CEP72: variants seen among roughly 807,000 people sequenced by gnomAD.
CEP72 encodes centrosomal protein of 72 kDa.
CEP72 carries 78 observed loss-of-function variants against 65.7 expected under a neutral mutation model. The observed-to-expected ratio is 1.19, with a 90% CI of 0.99 to 1.43. CEP72 has a LOEUF of 1.43. Among genes scored for constraint, CEP72 ranks in the 40% most tolerant of loss-of-function variants. The pLI, the probability that CEP72 is intolerant of heterozygous loss-of-function variation, is 0.00. For synonymous variants in CEP72, 358 were observed against 351.7 expected (o/e 1.02, Z -0.20); for missense variants, 914 against 832.9 (o/e 1.10, Z -1.20).
At chr5:675,524 AGTGTGGCCGGGGATGCC>A in the CEP72 span, among the ~76,000 whole-genome samples, 14 of 65,344 alleles carry the variant, frequency 2.1e-4, no homozygotes, top group African/African-American at 3.8e-4. Flanking sequence ...CCAGGGGTGC[AGTGTGGCCGGGGATGCC>A]GTGTGGCCGG....
intron 9 of CEP72, chr5:641,005 G>A (rs2126795366): frequency 1.0e-6 from 1 of 985,446 alleles, no homozygotes; most frequent in Admixed American, 6.1e-5. Context: ...GGTGAGCTGG[G>A]GCTACAGGGC....
At chr5:668,809 C>T (rs1253755589), downstream of CEP72, among the ~76,000 whole-genome samples, 1 of 152,242 alleles carries the variant, frequency 6.6e-6, no homozygotes, top group Non-Finnish European at 1.5e-5. Flanking sequence ...GACCACAGTG[C>T]TGTGATGTGT....
Position 619,092 on chromosome 5 carries a change from C to A in CEP72, c.185C>A (p.Ser62Ter), listed in dbSNP as rs370257753. 2 of 1,613,700 alleles carry A rather than the reference C, an allele frequency of 1.2e-6. No individual in the cohort carries two copies. Among genetic ancestry groups the A allele is most frequent in the South Asian group, 2.2e-5 (2 of 91,058 alleles). The change falls in exon 2 of 12, where the codon TCG (serine) becomes TAG (stop). Residue 62 changes from serine to a stop codon, truncating the protein, a stop_gained. Coordinates refer to ENST00000264935, the MANE Select transcript of CEP72 (RefSeq NM_018140.4). LOFTEE classifies it high-confidence loss of function. ...ACAGGTCTGAAATCTTTGGATCTCT[C>A]GCGCAACTCCTTGGTTAGTCTGGAG... ...SLTGLKSLDL[S>*]RNSLVSLEGI...
At chr5:652,836 C>T in intron 11 of CEP72, 152 bp from the exon 12 acceptor site, 1 of 842,914 alleles carries the variant, frequency 1.2e-6, no homozygotes, top group Non-Finnish European at 1.8e-6. Context: ...GCCAGTGGGA[C>T]ACAGAAGGTG....
In CEP72 at chr5:612,422, T is replaced by A; in HGVS notation, c.61T>A (p.Leu21Ile). 6.8e-7 allele frequency: 1 copy of A among 1,472,338 alleles called. No individual in the cohort carries two copies. Among genetic ancestry groups the A allele is most frequent in the Non-Finnish European group, 9.0e-7 (1 of 1,115,382 alleles). The allele number at this position is 1,472,338 out of a possible 1,614,324, so 91.2% of individuals were successfully genotyped here. Reference sequence around the variant, plus strand: ...GGAGGCGGTTCGGGCGAAGAGCGGCTTAGGGCCTCACCGCGACCTGGGTGC... The same window carrying A: ...GGAGGCGGTTCGGGCGAAGAGCGGCATAGGGCCTCACCGCGACCTGGGTGC... ...SEEAVRAKSG[L>I]GPHRDLAELQ... The change falls in exon 1 of 12, where the codon TTA (leucine) becomes ATA (isoleucine). Residue 21 changes from leucine to isoleucine, a missense_variant. Leu to Ile is a conservative substitution (Grantham distance 5). Transcript: ENST00000264935.
intron 3 of CEP72, among the ~76,000 whole-genome samples, chr5:621,803 TC>T (rs1381115080): frequency 6.6e-6 from 1 of 152,252 alleles, no homozygotes; most frequent in Non-Finnish European, 1.5e-5. Context: ...AGACATAGTC[TC>T]GCTTCATCGC....
chr5:665,306 G>A (rs535687967), exon 3 of CEP72: 2 of 1,609,206 alleles, frequency 1.2e-6, no homozygotes, highest in East Asian at 2.2e-5. Context: ...TCTGCAAGAG[G>A]AGCAGGAGGA....
chr5:671,914 G>T (rs1186857623), downstream of CEP72, among the ~76,000 whole-genome samples: 1 of 152,222 alleles, frequency 6.6e-6, no homozygotes, highest in Non-Finnish European at 1.5e-5. Flanking sequence ...CCACGGGGGA[G>T]GGGGAGGGGA....
rs1739244622 is a variant in CEP72 at position 653,476 on chromosome 5, A to ATG, written c.*325_*326dup. 1 of 204,712 alleles carries ATG rather than the reference A, an allele frequency of 4.9e-6. No individual in the cohort carries two copies. The highest frequency in any genetic ancestry group is 2.3e-5 in the African/African-American group (1 of 43,420). The allele number at this position is 204,712 out of a possible 1,614,324, so 12.7% of individuals were successfully genotyped here. A position where few individuals can be genotyped will look rare whatever the true frequency, so the allele number is the denominator to read the frequency against. ...CTACTGCCTGATGTGAAAGAGAGCT[A>ATG]TGTATGATAATTAAAGAAAATAATT... On this transcript the variant is annotated 3_prime_UTR_variant, in exon 12 of 12. Coordinates refer to ENST00000264935, the MANE Select transcript of CEP72 (RefSeq NM_018140.4).
At chr5:643,109 G>A in intron 9 of CEP72, 1 of 961,482 alleles carries the variant, frequency 1.0e-6, no homozygotes, top group South Asian at 4.7e-5. Context: ...AGCTATTTTG[G>A]GAGGTAGAGG....
chr5:668,455 C>T (rs1238651262), downstream of CEP72, among the ~76,000 whole-genome samples: 6 of 132,680 alleles, frequency 4.5e-5, no homozygotes, highest in Admixed American at 1.5e-4. Flanking sequence ...TGCGGACAAG[C>T]ACACGGAGAG....
At chr5:666,493 C>T (rs573972413) in intron 4 of CEP72, among the ~76,000 whole-genome samples, 17 of 152,324 alleles carry the variant, frequency 1.1e-4, no homozygotes, top group African/African-American at 3.1e-4. Context: ...GCTGGGGCCC[C>T]GGCTCTGCCT....
At chr5:617,825 A>G (rs1736092771) in intron 1 of CEP72, among the ~76,000 whole-genome samples, 1 of 152,222 alleles carries the variant, frequency 6.6e-6, no homozygotes, top group Non-Finnish European at 1.5e-5. Context: ...AGATCGCACC[A>G]CGGTACTCCA....
intron 9 of CEP72, chr5:643,424 A>G (rs1738192278): frequency 1.0e-6 from 1 of 985,394 alleles, no homozygotes; most frequent in Non-Finnish European, 1.2e-6. Flanking sequence ...CCTGAGGGGA[A>G]TGGTCTCAGA....
downstream of CEP72, among the ~76,000 whole-genome samples, chr5:670,020 C>T (rs929951668): frequency 4.6e-5 from 7 of 152,320 alleles, no homozygotes; most frequent in Middle Eastern, 3.4e-3. Flanking sequence ...CCCAGCAGGA[C>T]GCAGCCGCTG....
At position 623,224 on chromosome 5, in the gene CEP72, AC is replaced by A. The variant is rs1239855241; in HGVS notation, c.404-1246del. 6.6e-6 allele frequency among the ~76,000 whole-genome samples: 1 copy of A among 152,202 alleles called. No homozygotes were observed. Among genetic ancestry groups the A allele is most frequent in the Non-Finnish European group, 1.5e-5 (1 of 68,038 alleles). The stretch of plus-strand genomic sequence containing the variant: ...CTTAGTGTTTCTACAGAGAAGGAGC[AC>A]AACCGTCTCCCCGCATGTGAGAGAT... On this transcript the variant is annotated intron_variant, in intron 3 of 11. Coordinates refer to ENST00000264935, the MANE Select transcript of CEP72 (RefSeq NM_018140.4). The surrounding 1 kb of genome is among the most constrained non-coding windows in gnomAD (Gnocchi z 5.3).
At chr5:639,008 C>T in intron 7 of CEP72, 81 bp from the exon 8 acceptor site, 1 of 1,572,606 alleles carries the variant, frequency 6.4e-7, no homozygotes, top group East Asian at 2.3e-5. Flanking sequence ...CGAGGGCATC[C>T]CAGGGTGCGC....
downstream of CEP72, among the ~76,000 whole-genome samples, chr5:669,203 C>T (rs1247762994): frequency 6.6e-6 from 1 of 152,194 alleles, no homozygotes; most frequent in African/African-American, 2.4e-5. Flanking sequence ...CTGAGGGCAG[C>T]CACGCAGGGC....
chr5:634,127 T>G (rs16900934), intron 5 of CEP72, among the ~76,000 whole-genome samples, 180 bp downstream of exon 5: 38,329 of 152,116 alleles, frequency 0.25, 4,931 homozygotes, highest in East Asian at 0.43. Context: ...GAGTTATAAA[T>G]GAGAAAGTTA....
Sources: gnomAD v4.1 joint callset for allele counts (sites outside exome capture counted in the v4.1 genomes callset) on GRCh38, gnomAD v4.1.1 for gene constraint, Gnocchi (gnomAD v3.1) non-coding constraint, MANE v1.5 for transcripts, NCBI Gene and HGNC (gene_info 2026-07-23, HGNC 2026-07-21) for gene names.